Variants in CRB1 observed in about 807,000 individuals in gnomAD.
CRB1 encodes protein crumbs homolog 1.
CRB1 carries 83 observed loss-of-function variants against 120.0 expected under a neutral mutation model. That is an observed-to-expected ratio of 0.69 (90% confidence interval 0.58 to 0.83). CRB1 has a LOEUF of 0.83. Ranked by LOEUF, CRB1 falls within the 40% of genes least tolerant of loss-of-function variation. CRB1 has a pLI of 0.00. For missense variants in CRB1, 1,699 were observed against 1,687.6 expected (o/e 1.01, Z -0.12); for synonymous variants, 625 against 612.5 (o/e 1.02, Z -0.30).
the CRB1 span, among the ~76,000 whole-genome samples, chr1:197,223,731 A>T: frequency 2.0e-5 from 3 of 152,160 alleles, no homozygotes; most frequent in African/African-American, 7.2e-5. Context: ...AAGGTTTTTA[A>T]CTTCGAATAG....
chr1:197,260,873 T>A, the CRB1 span, among the ~76,000 whole-genome samples: 59 of 152,136 alleles, frequency 3.9e-4, no homozygotes, highest in African/African-American at 1.3e-3. Flanking sequence ...ATTTTTGTAT[T>A]TTTAGTAGAG....
intron 5 of CRB1, among the ~76,000 whole-genome samples, chr1:197,375,780 T>G (rs992272978): frequency 6.6e-6 from 1 of 152,206 alleles, no homozygotes; most frequent in African/African-American, 2.4e-5. Flanking sequence ...TAAATCATTC[T>G]AATTGGCTTG....
chr1:197,222,780 C>T, the CRB1 span: 1 of 1,202,392 alleles, frequency 8.3e-7, no homozygotes, highest in Admixed American at 1.7e-5. Context: ...CCAAGTGCTA[C>T]ATGATATTTC....
At chr1:197,309,269 A>G (rs1278996789) in intron 1 of CRB1, among the ~76,000 whole-genome samples, 2 of 152,130 alleles carry the variant, frequency 1.3e-5, no homozygotes, top group Non-Finnish European at 2.9e-5. Context: ...GTGGTCTTCT[A>G]CAGAAGATCT....
intron 8 of CRB1, 100 bp from the exon 9 acceptor site, chr1:197,434,606 T>C: frequency 9.4e-7 from 1 of 1,065,230 alleles, no homozygotes; most frequent in Non-Finnish European, 1.4e-6. Flanking sequence ...ATAGTCAATA[T>C]GCAATGTTAT....
intron 4 of CRB1, among the ~76,000 whole-genome samples, chr1:197,348,476 T>A (rs1571879942): frequency 6.6e-6 from 1 of 152,110 alleles, no homozygotes; most frequent in East Asian, 1.9e-4. Context: ...TATTGTTTAT[T>A]TATTTATTTT....
intron 1 of CRB1, among the ~76,000 whole-genome samples, chr1:197,284,415 C>T (rs1655705604): frequency 6.6e-6 from 1 of 151,886 alleles, no homozygotes. Flanking sequence ...GTTTTTATAT[C>T]AAGCCATGTG....
intron 1 of CRB1, among the ~76,000 whole-genome samples, chr1:197,272,451 C>CT (rs796103050): frequency 1.3e-5 from 2 of 151,894 alleles, no homozygotes; most frequent in African/African-American, 4.8e-5. Context: ...GAATTGCATG[C>CT]TTTTTTTTCA....
intron 11 of CRB1, among the ~76,000 whole-genome samples, chr1:197,461,381 C>T (rs1666523285): frequency 6.6e-6 from 1 of 152,066 alleles, no homozygotes; most frequent in African/African-American, 2.4e-5. Context: ...GAGGACTACT[C>T]TGATGGAGAA....
At chr1:197,414,181 C>G (rs1663853914) in intron 5 of CRB1, among the ~76,000 whole-genome samples, 1 of 152,122 alleles carries the variant, frequency 6.6e-6, no homozygotes, top group Admixed American at 6.5e-5. Flanking sequence ...ATAATTTCTA[C>G]TTTGATTTCT....
chr1:197,276,052 T>G (rs2125208739), intron 1 of CRB1, among the ~76,000 whole-genome samples: 1 of 152,048 alleles, frequency 6.6e-6, no homozygotes, highest in South Asian at 2.1e-4. Flanking sequence ...AAGTAGTGAT[T>G]CCTTCAAAGT....
At chr1:197,347,613 T>G in intron 4 of CRB1, 134 bp downstream of exon 4, 3 of 997,470 alleles carry the variant, frequency 3.0e-6, no homozygotes, top group Non-Finnish European at 3.0e-6. Context: ...ATTGTTTAGT[T>G]TTATTCTTCA....
Position 197,434,754 on chromosome 1 carries a change from G to C in CRB1, c.2891G>C (p.Arg964Thr). ...GGACAAAGCGGTCAAATATTATTCAGAAGCAATGGGAATATTACCAGAGAA... is the reference window on the plus strand; with the variant it reads ...GGACAAAGCGGTCAAATATTATTCACAAGCAATGGGAATATTACCAGAGAA... ...FNGQSGQILF[R>T]SNGNITRELT... Residue 964 changes from arginine (R) to threonine (T), a missense_variant, in exon 9 of 12, where the codon AGA becomes ACA. Arg to Thr is a moderately conservative substitution (Grantham distance 71, BLOSUM62 -1). Coordinates refer to ENST00000367400, the MANE Select transcript of CRB1 (RefSeq NM_201253.3). 2.5e-6 allele frequency: 4 copies of C among 1,613,616 alleles called. No individual in the cohort carries two copies. Among genetic ancestry groups the C allele is most frequent in the Non-Finnish European group, 3.4e-6 (4 of 1,179,696 alleles).
chr1:197,248,929 T>G, the CRB1 span, among the ~76,000 whole-genome samples: 1 of 151,916 alleles, frequency 6.6e-6, no homozygotes, highest in Non-Finnish European at 1.5e-5. Context: ...ACGGTTAGAT[T>G]TCTCAAAATT....
At chr1:197,260,231 A>T in the CRB1 span, among the ~76,000 whole-genome samples, 10 of 151,956 alleles carry the variant, frequency 6.6e-5, no homozygotes, top group African/African-American at 2.4e-4. Flanking sequence ...AACTAAGTTT[A>T]TTGGCAAAAG....
intron 11 of CRB1, among the ~76,000 whole-genome samples, chr1:197,472,256 C>A (rs987699731): frequency 6.6e-6 from 1 of 152,226 alleles, no homozygotes; most frequent in Admixed American, 6.5e-5. Context: ...GATATACATA[C>A]AACTGAATTC....
At chr1:197,430,873 G>T (rs1221246492) in intron 8 of CRB1, among the ~76,000 whole-genome samples, 1 of 151,632 alleles carries the variant, frequency 6.6e-6, no homozygotes, top group Non-Finnish European at 1.5e-5. Flanking sequence ...TCACTTAACT[G>T]CTGTGGACAT....
At chr1:197,433,011 C>T (rs1664947699) in intron 8 of CRB1, among the ~76,000 whole-genome samples, 1 of 150,934 alleles carries the variant, frequency 6.6e-6, no homozygotes, top group Admixed American at 6.6e-5. Flanking sequence ...AATCAGGGGC[C>T]AGATCATGTA....
At chr1:197,309,360 A>C (rs530494009) in intron 1 of CRB1, among the ~76,000 whole-genome samples, 254 of 152,232 alleles carry the variant, frequency 1.7e-3, no homozygotes, top group Non-Finnish European at 2.4e-3. Flanking sequence ...ATGTGGACTA[A>C]CATAACACCT....
Sources: gnomAD v4.1 joint callset for allele counts (sites outside exome capture counted in the v4.1 genomes callset) on GRCh38, gnomAD v4.1.1 for gene constraint, MANE v1.5 for transcripts, NCBI Gene and HGNC (gene_info 2026-07-23, HGNC 2026-07-21) for gene names.